DAB1: variants seen among roughly 807,000 people sequenced by gnomAD.
DAB1 encodes the protein DAB adaptor protein 1.
In DAB1, 15 loss-of-function variants were observed where a neutral mutation model predicts 64.6. The ratio of observed to expected loss-of-function variants is 0.23; its 90% CI spans 0.16 to 0.36. DAB1 has a LOEUF of 0.36. Ranked by LOEUF, DAB1 falls within the 10% of genes least tolerant of loss-of-function variation. The probability of loss-of-function intolerance (pLI) is 1.00; values close to 1 mark genes in which losing one functional copy is unlikely to be tolerated. For missense variants in DAB1, 596 were observed against 706.7 expected (o/e 0.84, Z 1.78); for synonymous variants, 235 against 251.9 (o/e 0.93, Z 0.64).
intron 6 of DAB1, among the ~76,000 whole-genome samples, chr1:57,812,664 A>G (rs147836909): frequency 2.6e-4 from 40 of 152,364 alleles, no homozygotes; most frequent in African/African-American, 8.9e-4. Context: ...GTTTTTTCTC[A>G]TTCAGATTCA....
At chr1:57,185,344 TG>T (rs1360956683) in intron 2 of DAB1, among the ~76,000 whole-genome samples, 3 of 152,228 alleles carry the variant, frequency 2.0e-5, no homozygotes, top group African/African-American at 7.2e-5. Flanking sequence ...AAGTTGGTAA[TG>T]GTGGCAAAGA....
intron 6 of DAB1, among the ~76,000 whole-genome samples, chr1:57,703,609 A>G (rs1646932624): frequency 6.6e-6 from 1 of 152,216 alleles, no homozygotes; most frequent in Non-Finnish European, 1.5e-5. Context: ...TAGTTCATTT[A>G]TTGTGGCCAA....
chr1:57,026,870 A>G (rs538963125), intron 9 of DAB1, among the ~76,000 whole-genome samples: 10 of 152,302 alleles, frequency 6.6e-5, no homozygotes, highest in African/African-American at 2.4e-4. Context: ...TAATCTGCAT[A>G]AACTGCCAGA....
At chr1:58,461,244 AACTGTGT>A (rs1187401803) in intron 3 of DAB1, among the ~76,000 whole-genome samples, 1 of 151,878 alleles carries the variant, frequency 6.6e-6, no homozygotes, top group Non-Finnish European at 1.5e-5. Flanking sequence ...TACAGAAGTT[AACTGTGT>A]ACTGTGTTAA....
chr1:57,457,288 T>C (rs1288729686), intron 7 of DAB1, among the ~76,000 whole-genome samples: 2 of 152,144 alleles, frequency 1.3e-5, no homozygotes, highest in African/African-American at 2.4e-5. Context: ...GTCATCTAGA[T>C]ACAGATCTGT....
intron 5 of DAB1, among the ~76,000 whole-genome samples, chr1:58,082,855 G>C (rs1302148973): frequency 6.6e-6 from 1 of 152,144 alleles, no homozygotes; most frequent in Admixed American, 6.5e-5. Flanking sequence ...TCGTCTGAAA[G>C]CTGGGATTAG....
chr1:58,415,041 G>A (rs567007894), intron 3 of DAB1, among the ~76,000 whole-genome samples: 2 of 152,242 alleles, frequency 1.3e-5, no homozygotes, highest in East Asian at 3.9e-4. Flanking sequence ...CCTATGTGAT[G>A]GTGTCTGGTG....
chr1:58,207,309 T>G (rs1204773429), intron 4 of DAB1, among the ~76,000 whole-genome samples: 1 of 151,942 alleles, frequency 6.6e-6, no homozygotes, highest in Non-Finnish European at 1.5e-5. Context: ...AGGACGGAGG[T>G]TAGAGTGGAA....
At chr1:57,159,856 C>CAAAAAAAAAAAAAAAAAAA (rs398049302) in intron 2 of DAB1, among the ~76,000 whole-genome samples, 6 of 86,350 alleles carry the variant, frequency 6.9e-5, no homozygotes, top group Non-Finnish European at 1.1e-4. Flanking sequence ...AGCAGCAAGA[C>CAAAAAAAAAAAAAAAAAAA]AAAAAAAAAA....
intron 3 of DAB1, among the ~76,000 whole-genome samples, chr1:58,466,011 G>GGCC (rs916363203): frequency 1.1e-4 from 16 of 152,258 alleles, no homozygotes; most frequent in South Asian, 6.2e-4. Flanking sequence ...GGAGTGTGGT[G>GGCC]GCCATGGAGA....
chr1:58,225,970 A>C (rs932236266), intron 4 of DAB1, among the ~76,000 whole-genome samples: 3 of 152,024 alleles, frequency 2.0e-5, no homozygotes, highest in Admixed American at 6.5e-5. Context: ...AAAAAAAAAA[A>C]AAAAAAACCT....
chr1:57,809,724 T>G (rs953797933), intron 6 of DAB1, among the ~76,000 whole-genome samples: 3 of 152,022 alleles, frequency 2.0e-5, no homozygotes, highest in African/African-American at 7.2e-5. Flanking sequence ...TAGCAACGAG[T>G]TGAAAAATGG....
intron 5 of DAB1, among the ~76,000 whole-genome samples, chr1:57,922,845 C>CA (rs367897659): frequency 0.54 from 24,123 of 44,750 alleles, 7,439 homozygotes; most frequent in Non-Finnish European, 0.63. Flanking sequence ...GACTCCATCT[C>CA]AAAAAAAAAA....
intron 5 of DAB1, among the ~76,000 whole-genome samples, chr1:58,145,015 T>C (rs1043367081): frequency 6.6e-6 from 1 of 152,232 alleles, no homozygotes; most frequent in Non-Finnish European, 1.5e-5. Flanking sequence ...AGGCAAAGCA[T>C]AGGCAGTCAG....
At chr1:57,381,530 G>A (rs1442280032) in intron 1 of DAB1, among the ~76,000 whole-genome samples, 1 of 152,254 alleles carries the variant, frequency 6.6e-6, no homozygotes, top group South Asian at 2.1e-4. Flanking sequence ...TGCTTGCTGT[G>A]TTCTCTCTCT....
At chr1:57,667,878 G>A (rs1007870823) in intron 6 of DAB1, among the ~76,000 whole-genome samples, 13 of 151,940 alleles carry the variant, frequency 8.6e-5, no homozygotes, top group Non-Finnish European at 1.5e-4. Context: ...GCCTGTCAGG[G>A]GTTGGAGAGC....
At chr1:58,039,173 G>T (rs1046497669) in intron 5 of DAB1, among the ~76,000 whole-genome samples, 1 of 152,156 alleles carries the variant, frequency 6.6e-6, no homozygotes, top group East Asian at 1.9e-4. Flanking sequence ...TCTCTCAGGA[G>T]CTCACCTTTC....
chr1:58,165,949 T>C (rs1655807875), intron 4 of DAB1, among the ~76,000 whole-genome samples: 1 of 152,212 alleles, frequency 6.6e-6, no homozygotes, highest in Non-Finnish European at 1.5e-5. Context: ...CAGTTCACCA[T>C]GAAGAGCCTG....
chr1:57,216,591 C>T (rs764771031), intron 2 of DAB1, among the ~76,000 whole-genome samples: 1 of 152,106 alleles, frequency 6.6e-6, no homozygotes, highest in Non-Finnish European at 1.5e-5. Flanking sequence ...AAGCCAGGTC[C>T]ATGTCCTTAA....
Sources: allele counts gnomAD v4.1 joint callset (sites outside exome capture counted in the v4.1 genomes callset), GRCh38; gene constraint gnomAD v4.1.1; transcripts MANE v1.5; gene names NCBI Gene and HGNC (gene_info 2026-07-23, HGNC 2026-07-21).